APBB2: variants seen among roughly 807,000 people sequenced by gnomAD.
APBB2 encodes amyloid beta precursor protein binding family B member 2.
APBB2 carries 38 observed loss-of-function variants against 82.5 expected under a neutral mutation model. The observed-to-expected ratio is 0.46, with a 90% CI of 0.36 to 0.60. The LOEUF is 0.60. Among genes scored for constraint, APBB2 ranks in the 20% least tolerant of loss-of-function variants. The probability of loss-of-function intolerance (pLI) is 0.00; values close to 1 mark genes in which losing one functional copy is unlikely to be tolerated. For missense variants in APBB2, 772 were observed against 972.3 expected, an observed-to-expected ratio of 0.79 and a Z score of 2.74; for synonymous variants, 341 against 368.2, an observed-to-expected ratio of 0.93 and a Z score of 0.85.
chr4:41,151,321 T>C (rs929511622), intron 1 of APBB2, among the ~76,000 whole-genome samples: 1 of 152,216 alleles, frequency 6.6e-6, no homozygotes, highest in Non-Finnish European at 1.5e-5. Context: ...TCTTCAATTA[T>C]GGAAATGTTC....
At chr4:41,081,622 G>T (rs577612903) in intron 3 of APBB2, among the ~76,000 whole-genome samples, 1 of 152,172 alleles carries the variant, frequency 6.6e-6, no homozygotes, top group Non-Finnish European at 1.5e-5. Flanking sequence ...TCTCAACAAA[G>T]CTTTAAGACA....
intron 4 of APBB2, among the ~76,000 whole-genome samples, chr4:41,064,793 C>T (rs1420529346): frequency 6.6e-6 from 1 of 152,156 alleles, no homozygotes; most frequent in African/African-American, 2.4e-5. Context: ...GAAGTAAGAG[C>T]CAGGAACTCC....
Position 40,914,214 on chromosome 4 carries a change from C to CA in APBB2, c.1254+20241dup, listed in dbSNP as rs1178484075. ...TGAAACCCTGTCTCTACTAAAAATA[C>CA]AAAAAAAAATTAGCCAGGCATGGTG... On this transcript the variant is annotated intron_variant, in intron 10 of 17. Coordinates refer to ENST00000508593, the MANE Select transcript of APBB2 (RefSeq NM_004307.2). 1.9e-4 allele frequency among the ~76,000 whole-genome samples: 29 copies of CA among 150,874 alleles called. No individual in the cohort carries two copies. The East Asian group carries it at 4.7e-3, about 24-fold the overall frequency.
intron 12 of APBB2, among the ~76,000 whole-genome samples, chr4:40,836,641 C>T (rs1415392245): frequency 1.3e-5 from 2 of 152,000 alleles, no homozygotes; most frequent in Non-Finnish European, 2.9e-5. Flanking sequence ...AGAGGCTGGT[C>T]CCAAAGATAT....
Position 40,960,678 on chromosome 4 carries a change from A to G in APBB2, c.836-15605T>C, listed in dbSNP as rs184160608. ...TAGCTAGGATGGTCTTGATCTCCTGACCTTGTGATCCGCACACCTTGGCCT... is the reference window on the plus strand; with the variant it reads ...TAGCTAGGATGGTCTTGATCTCCTGGCCTTGTGATCCGCACACCTTGGCCT... On this transcript the variant is annotated intron_variant, in intron 6 of 17. Transcript: ENST00000508593. Among the ~76,000 whole-genome samples, 35 of 151,996 alleles carry G rather than the reference A, an allele frequency of 2.3e-4. No individual in the cohort carries two copies. In the East Asian group the frequency reaches 5.8e-3, roughly 25 times the overall value.
At chr4:41,025,448 C>T (rs983128365) in intron 5 of APBB2, among the ~76,000 whole-genome samples, 1 of 151,574 alleles carries the variant, frequency 6.6e-6, no homozygotes, top group East Asian at 1.9e-4. Context: ...AGCAGTGTGG[C>T]GATTTCTCAA....
chr4:40,889,580 A>C (rs548845360), intron 12 of APBB2, among the ~76,000 whole-genome samples: 2 of 152,346 alleles, frequency 1.3e-5, no homozygotes, highest in South Asian at 4.1e-4. Flanking sequence ...TACCTTAGGA[A>C]TTGCCAAAGA....
intron 2 of APBB2, among the ~76,000 whole-genome samples, chr4:41,106,201 G>A (rs772316063): frequency 1.3e-5 from 2 of 152,128 alleles, no homozygotes; most frequent in African/African-American, 2.4e-5. Context: ...AAAACACACA[G>A]AAACTATATT....
In APBB2 at chr4:41,202,802, G is replaced by A. The variant is rs766508006; in HGVS notation, c.-417+11603C>T. ...ATAAGTTTAAACTACCTGAAGTTTC[G>A]CTGATATAAAGAAATTGTTCTTGAC... is the stretch of plus-strand genomic sequence containing the variant. On this transcript the variant is annotated intron_variant, in intron 1 of 17. Coordinates refer to ENST00000508593, the MANE Select transcript of APBB2 (RefSeq NM_004307.2). 3.3e-5 allele frequency among the ~76,000 whole-genome samples: 5 copies of A among 152,272 alleles called. No individual in the cohort carries two copies. The Middle Eastern group carries it at 0.01, about 311-fold the overall frequency.
At chr4:40,924,359 C>T (rs1782079139) in intron 10 of APBB2, among the ~76,000 whole-genome samples, 1 of 152,120 alleles carries the variant, frequency 6.6e-6, no homozygotes, top group Admixed American at 6.5e-5. Context: ...ATTGTACCTC[C>T]CAAAGATGGC....
chr4:40,893,954 A>G (rs1772876788), intron 10 of APBB2, among the ~76,000 whole-genome samples: 1 of 151,644 alleles, frequency 6.6e-6, no homozygotes, highest in East Asian at 1.9e-4. Context: ...AGCCTGGGAG[A>G]CACAGCGAGA....
chr4:41,006,693 T>C (rs1031805200), intron 6 of APBB2, among the ~76,000 whole-genome samples: 9 of 152,150 alleles, frequency 5.9e-5, no homozygotes, highest in Admixed American at 4.6e-4. Context: ...CTCAAACTCC[T>C]GAGCTCAGGT....
intron 10 of APBB2, among the ~76,000 whole-genome samples, chr4:40,905,861 G>A (rs552738456): frequency 1.3e-5 from 2 of 152,258 alleles, no homozygotes; most frequent in South Asian, 4.2e-4. Context: ...TTTGGTAAGG[G>A]TACGATGGTC....
chr4:40,848,126 C>G (rs1758223724), intron 12 of APBB2, among the ~76,000 whole-genome samples: 1 of 152,170 alleles, frequency 6.6e-6, no homozygotes, highest in Non-Finnish European at 1.5e-5. Context: ...TTGTTAACTT[C>G]CATCTAGATA....
intron 6 of APBB2, among the ~76,000 whole-genome samples, chr4:40,973,409 A>C (rs1034237498): frequency 5.9e-5 from 9 of 152,180 alleles, no homozygotes; most frequent in Non-Finnish European, 1.3e-4. Context: ...GTGCTAATGA[A>C]AACCTGCCGC....
At chr4:41,072,461 C>G (rs186288974) in intron 3 of APBB2, among the ~76,000 whole-genome samples, 1 of 152,298 alleles carries the variant, frequency 6.6e-6, no homozygotes, top group Admixed American at 6.5e-5. Context: ...CAACCTTTCC[C>G]TTCTTCAAGT....
chr4:41,128,404 T>C (rs952260944), intron 2 of APBB2, among the ~76,000 whole-genome samples: 2 of 152,190 alleles, frequency 1.3e-5, no homozygotes, highest in Admixed American at 6.5e-5. Flanking sequence ...AGCAATCCCA[T>C]TGTTGGGTAT....
At chr4:41,050,382 T>C (rs977756695) in intron 4 of APBB2, among the ~76,000 whole-genome samples, 4 of 152,164 alleles carry the variant, frequency 2.6e-5, no homozygotes, top group African/African-American at 9.7e-5. Flanking sequence ...CCATCCCCAT[T>C]TTACAGATGA....
intron 1 of APBB2, among the ~76,000 whole-genome samples, chr4:41,180,492 ATAGT>A (rs1219368287): frequency 6.6e-6 from 1 of 152,146 alleles, no homozygotes; most frequent in Non-Finnish European, 1.5e-5. Flanking sequence ...TTAGCCAGTC[ATAGT>A]GGTGGTACAT....
Sources: allele counts gnomAD v4.1 joint callset (sites outside exome capture counted in the v4.1 genomes callset), GRCh38; gene constraint gnomAD v4.1.1; transcripts MANE v1.5; gene names NCBI Gene and HGNC (gene_info 2026-07-23, HGNC 2026-07-21).